Variants in TACR3 observed in about 807,000 individuals in gnomAD.
TACR3 encodes neuromedin-K receptor.
In TACR3, 34 loss-of-function variants were observed where a neutral mutation model predicts 35.0. The observed-to-expected ratio is 0.97, with a 90% confidence interval of 0.74 to 1.30. The LOEUF is 1.30. Ranked by LOEUF, TACR3 falls within the 50% of genes most tolerant of loss-of-function variation. The probability of loss-of-function intolerance (pLI) is 0.00; values close to 1 mark genes in which losing one functional copy is unlikely to be tolerated. For synonymous variants in TACR3, 233 were observed against 221.1 expected (o/e 1.05, Z -0.48); for missense variants, 558 against 591.7 (o/e 0.94, Z 0.59).
chr4:103,613,899 A>G (rs929521381), intron 3 of TACR3, among the ~76,000 whole-genome samples: 2 of 152,028 alleles, frequency 1.3e-5, no homozygotes, highest in South Asian at 2.1e-4. Flanking sequence ...AAGAGAGAGA[A>G]AGAGTGAGGC....
At chr4:103,637,482 A>T (rs374822665) in intron 3 of TACR3, among the ~76,000 whole-genome samples, 18,808 of 152,180 alleles carry the variant, frequency 0.12, 1,379 homozygotes, top group Non-Finnish European at 0.17. Context: ...AGCCAATATC[A>T]TACTGAATGG....
chr4:103,644,689 A>G (rs1391299003), intron 3 of TACR3, among the ~76,000 whole-genome samples: 2 of 151,700 alleles, frequency 1.3e-5, no homozygotes, highest in Admixed American at 1.3e-4. Context: ...TCCCTAGAAA[A>G]CTTACTATTA....
At chr4:103,707,129 A>G (rs1305527611) in intron 1 of TACR3, among the ~76,000 whole-genome samples, 1 of 152,226 alleles carries the variant, frequency 6.6e-6, no homozygotes, top group African/African-American at 2.4e-5. Context: ...TGCATTTATG[A>G]CAGTGTATTT....
intron 1 of TACR3, among the ~76,000 whole-genome samples, chr4:103,698,789 G>A (rs1197451644): frequency 2.0e-5 from 3 of 151,146 alleles, no homozygotes; most frequent in South Asian, 4.2e-4. Flanking sequence ...AAATAAAAGA[G>A]TGGAATTGAG....
chr4:103,632,563 C>T (rs1243754705), intron 3 of TACR3, among the ~76,000 whole-genome samples: 1 of 151,052 alleles, frequency 6.6e-6, no homozygotes, highest in East Asian at 1.9e-4. Flanking sequence ...GGGGAGGGAA[C>T]TTAGAGGATG....
chr4:103,703,310 T>C (rs1292332370), intron 1 of TACR3, among the ~76,000 whole-genome samples: 1 of 152,230 alleles, frequency 6.6e-6, no homozygotes, highest in Non-Finnish European at 1.5e-5. Flanking sequence ...TACACTATTG[T>C]ACAACCATAC....
chr4:103,633,081 A>G (rs1185291047), intron 3 of TACR3, among the ~76,000 whole-genome samples: 1 of 152,016 alleles, frequency 6.6e-6, no homozygotes, highest in Non-Finnish European at 1.5e-5. Flanking sequence ...ATTAACTACA[A>G]TGCAGTTCCT....
At chr4:103,629,091 C>G (rs955701270) in intron 3 of TACR3, among the ~76,000 whole-genome samples, 3 of 152,208 alleles carry the variant, frequency 2.0e-5, no homozygotes, top group African/African-American at 7.2e-5. Context: ...ATTCAACAGC[C>G]CTTCATGCTA....
intron 1 of TACR3, among the ~76,000 whole-genome samples, chr4:103,684,992 T>G (rs1342639626): frequency 1.1e-5 from 1 of 89,932 alleles, no homozygotes; most frequent in African/African-American, 8.1e-5. Context: ...CAAAATTAAA[T>G]AAATAAATAA....
At chr4:103,594,501 C>T (rs138715627) in intron 3 of TACR3, among the ~76,000 whole-genome samples, 5 of 152,154 alleles carry the variant, frequency 3.3e-5, no homozygotes, top group South Asian at 2.1e-4. Context: ...TCATGGGGCA[C>T]ATGAAAGCAT....
At chr4:103,620,825 C>G (rs550976474) in intron 3 of TACR3, among the ~76,000 whole-genome samples, 2 of 152,252 alleles carry the variant, frequency 1.3e-5, no homozygotes, top group East Asian at 1.9e-4. Context: ...CTCCAGACAT[C>G]AACTTCACAC....
intron 3 of TACR3, among the ~76,000 whole-genome samples, chr4:103,633,899 T>C (rs1725122848): frequency 6.6e-6 from 1 of 152,044 alleles, no homozygotes; most frequent in Non-Finnish European, 1.5e-5. Flanking sequence ...AAAAAGCAAG[T>C]CTTTCAAAAT....
In TACR3 at chr4:103,591,561, G is replaced by C. The variant is rs774111761; in HGVS notation, c.1011C>G (p.Val337=). 2 of 1,613,902 alleles carry C rather than the reference G, an allele frequency of 1.2e-6. No homozygotes were observed. Among genetic ancestry groups the C allele is most frequent in the Admixed American group, 3.3e-5 (2 of 59,996 alleles). The change falls in exon 4 of 5, where the codon GTC becomes GTG. Residue 337 remains valine (V), a synonymous_variant. Transcript: ENST00000304883. ...QLNRWKYIQQ[V]YLASFWLAMS... The stretch of plus-strand genomic sequence containing the variant: ...TTGCCAGCCAAAAGCTAGCCAGGTA[G>C]ACCTGCTGGATGTATTTCCATCTAT...
At chr4:103,630,992 T>C (rs1725047279) in intron 3 of TACR3, among the ~76,000 whole-genome samples, 1 of 152,110 alleles carries the variant, frequency 6.6e-6, no homozygotes, top group Non-Finnish European at 1.5e-5. Context: ...TGGAATACAA[T>C]GCAGCCATAA....
intron 3 of TACR3, among the ~76,000 whole-genome samples, chr4:103,612,779 G>A (rs1387364879): frequency 6.6e-6 from 1 of 152,106 alleles, no homozygotes; most frequent in Admixed American, 6.5e-5. Flanking sequence ...CAAAGTGCTG[G>A]GATTACAGGC....
chr4:103,690,268 T>A (rs1429471738), intron 1 of TACR3, among the ~76,000 whole-genome samples: 1 of 152,132 alleles, frequency 6.6e-6, no homozygotes, highest in Non-Finnish European at 1.5e-5. Flanking sequence ...CACAAGTATG[T>A]GGAATGTAAA....
chr4:103,682,906 A>T lies in TACR3; in HGVS notation c.549-24503T>A, dbSNP rs191929065. ...TTAAAGCCAGCAACGAAGAAAGAGA[A>T]AATCTAGAGCTAACCGATAGTGAGA... On this transcript the variant is annotated intron_variant, in intron 1 of 4. Coordinates refer to ENST00000304883, the MANE Select transcript of TACR3 (RefSeq NM_001059.3). 2.0e-5 allele frequency among the ~76,000 whole-genome samples: 3 copies of T among 152,274 alleles called. No individual in the cohort carries two copies. In the East Asian group the frequency reaches 5.8e-4, roughly 29 times the overall value.
chr4:103,669,936 G>T (rs900846006), intron 1 of TACR3, among the ~76,000 whole-genome samples: 1 of 151,832 alleles, frequency 6.6e-6, no homozygotes, highest in Non-Finnish European at 1.5e-5. Context: ...TCTAATGGTA[G>T]TTTCATAATT....
chr4:103,612,261 T>C (rs1332668903), intron 3 of TACR3, among the ~76,000 whole-genome samples: 1 of 152,222 alleles, frequency 6.6e-6, no homozygotes, highest in Non-Finnish European at 1.5e-5. Context: ...TTGCTTATGT[T>C]GTCTTTCTTG....
Sources: allele counts gnomAD v4.1 joint callset (sites outside exome capture counted in the v4.1 genomes callset), GRCh38; gene constraint gnomAD v4.1.1; transcripts MANE v1.5; gene names NCBI Gene and HGNC (gene_info 2026-07-23, HGNC 2026-07-21).